NAV2: variants seen among roughly 807,000 people sequenced by gnomAD.
NAV2 encodes the protein helicase, APC down-regulated 1.
A neutral mutation model predicts 223.2 loss-of-function variants in NAV2; 54 were observed. The ratio of observed to expected loss-of-function variants is 0.24; its 90% CI spans 0.19 to 0.30. The LOEUF (loss-of-function observed/expected upper bound fraction) is 0.30, where lower values mean the gene tolerates loss of function less well. NAV2 is among the 10% of genes least tolerant of loss of function. NAV2 has a pLI of 1.00. For synonymous variants in NAV2, 1,279 were observed against 1,239.3 expected (o/e 1.03, Z -0.67); for missense variants, 2,806 against 3,147.5 (o/e 0.89, Z 2.60).
intron 1 of NAV2, among the ~76,000 whole-genome samples, chr11:19,769,005 GCAGCTTTGGA>G (rs1342447366): frequency 6.6e-6 from 1 of 152,208 alleles, no homozygotes; most frequent in Non-Finnish European, 1.5e-5. Context: ...AGGCAGCTGT[GCAGCTTTGGA>G]CAGCTCATTC....
intron 1 of NAV2, among the ~76,000 whole-genome samples, chr11:19,581,052 C>T (rs563195498): frequency 6.6e-6 from 1 of 152,250 alleles, no homozygotes; most frequent in East Asian, 1.9e-4. Context: ...ATTAATTGGC[C>T]ACATGTGTCT....
chr11:19,712,433 C>T (rs552711577), upstream of NAV2: 32 of 152,308 alleles, frequency 2.1e-4, no homozygotes, highest in Admixed American at 1.8e-3. Flanking sequence ...CTGCCCAAGC[C>T]AGATGGGGGC....
intron 10 of NAV2, among the ~76,000 whole-genome samples, chr11:19,952,747 T>C (rs991524146): frequency 3.9e-5 from 6 of 152,220 alleles, no homozygotes; most frequent in Non-Finnish European, 8.8e-5. Context: ...TACTGGTGTG[T>C]GCATGTGCAC....
chr11:19,953,267 G>A (rs2047546093), intron 10 of NAV2, among the ~76,000 whole-genome samples: 1 of 152,098 alleles, frequency 6.6e-6, no homozygotes, highest in Admixed American at 6.5e-5. Context: ...AACCTTTGAT[G>A]GCTTCCCATT....
In NAV2 at chr11:19,687,780, CATGCGT is replaced by C. The variant is rs1246697405; in HGVS notation, c.76-144703_76-144698del. 4.3e-3 allele frequency among the ~76,000 whole-genome samples: 24 copies of C among 5,646 alleles called. No homozygotes were observed. In the Admixed American group the frequency reaches 0.076, roughly 18 times the overall value. 3.7% of individuals were successfully genotyped at this position (5,646 alleles called of 152,430 possible). A position where few individuals can be genotyped will look rare whatever the true frequency, so the allele number is the denominator to read the frequency against. On this transcript the variant is annotated intron_variant, in intron 1 of 37. Transcript: ENST00000360655. ...CTGTGTACATGTGCATGTGTGTATG[CATGCGT>C]GTGTGTGTGTGTGTGTGAACTTTGT... is the stretch of plus-strand genomic sequence containing the variant.
At chr11:19,651,376 C>G in intron 1 of NAV2, among the ~76,000 whole-genome samples, 1 of 152,228 alleles carries the variant, frequency 6.6e-6, no homozygotes, top group East Asian at 1.9e-4. Flanking sequence ...GTACACTTCC[C>G]TTGGGACAGA....
At chr11:19,994,342 T>G (rs938565739) in intron 11 of NAV2, among the ~76,000 whole-genome samples, 2 of 151,796 alleles carry the variant, frequency 1.3e-5, no homozygotes, top group African/African-American at 4.8e-5. Flanking sequence ...AGGTCAGGAG[T>G]TCGAGGCTAG....
intron 15 of NAV2, chr11:20,049,439 A>G (rs572184652): frequency 9.0e-4 from 490 of 541,862 alleles, no homozygotes; most frequent in Non-Finnish European, 1.4e-3. Flanking sequence ...GGGCAGATTT[A>G]TGCTACCATT....
chr11:19,350,180 C>T (rs1270822924), upstream of NAV2, among the ~76,000 whole-genome samples: 3 of 151,914 alleles, frequency 2.0e-5, no homozygotes, highest in Non-Finnish European at 2.9e-5. Context: ...ATTTCCAGAA[C>T]GTGAGAAGTG....
intron 1 of NAV2, among the ~76,000 whole-genome samples, chr11:19,822,213 C>G (rs988964990): frequency 3.3e-5 from 5 of 152,316 alleles, no homozygotes; most frequent in Admixed American, 2.6e-4. Context: ...ATCCATTTTA[C>G]AGATGAGGCA....
rs1294542228 is a variant in NAV2 at position 20,022,505 on chromosome 11, T to TAC, written c.2769-13452_2769-13451dup. On this transcript the variant is annotated intron_variant, in intron 11 of 37. Transcript: ENST00000349880. ...AATGTATGTGTGTCGTTGTTAACTG[T>TAC]ACAAACAGGTATCATTTCCTTTTTA... The TAC allele has an allele frequency of 4.1e-6, 4 of 979,236 alleles. No individual in the cohort carries two copies. In the African/African-American group the frequency reaches 7.0e-5, roughly 17 times the overall value. The allele number at this position is 979,236 out of a possible 1,614,324, so 60.7% of individuals were successfully genotyped here. A position where few individuals can be genotyped will look rare whatever the true frequency, so the allele number is the denominator to read the frequency against.
chr11:19,952,568 G>A (rs2047487823), intron 10 of NAV2, among the ~76,000 whole-genome samples: 1 of 152,220 alleles, frequency 6.6e-6, no homozygotes, highest in Admixed American at 6.5e-5. Context: ...AATCTGTACA[G>A]AGGCTCTTTG....
At chr11:19,836,483 G>A (rs944056279) in intron 2 of NAV2, among the ~76,000 whole-genome samples, 1 of 151,588 alleles carries the variant, frequency 6.6e-6, no homozygotes, top group African/African-American at 2.4e-5. Flanking sequence ...CGTGAACCCG[G>A]GAAGCGGAGC....
intron 34 of NAV2, chr11:20,104,934 C>T (rs1324461213): frequency 6.6e-6 from 1 of 152,590 alleles, no homozygotes; most frequent in Non-Finnish European, 1.5e-5. Context: ...CATCACCCCA[C>T]TCCTGACCCC....
At chr11:19,387,618 G>C (rs1849092889) in intron 1 of NAV2, among the ~76,000 whole-genome samples, 2 of 152,168 alleles carry the variant, frequency 1.3e-5, no homozygotes, top group Admixed American at 1.3e-4. Flanking sequence ...GAGGTTGCCA[G>C]GTCGCAGGCA....
intron 1 of NAV2, among the ~76,000 whole-genome samples, chr11:19,777,093 A>ACCCCCCC (rs1166485329): frequency 1.6e-5 from 2 of 126,156 alleles, no homozygotes; most frequent in Non-Finnish European, 3.5e-5. Flanking sequence ...CCAGCCGCCG[A>ACCCCCCC]CCCCCCCCCC....
At chr11:19,555,460 G>C (rs1198493473) in intron 1 of NAV2, among the ~76,000 whole-genome samples, 1 of 152,128 alleles carries the variant, frequency 6.6e-6, no homozygotes, top group African/African-American at 2.4e-5. Flanking sequence ...GGGGGCTCTG[G>C]GCAGCTCACC....
At chr11:19,888,978 C>G (rs2041260994) in intron 5 of NAV2, among the ~76,000 whole-genome samples, 1 of 152,138 alleles carries the variant, frequency 6.6e-6, no homozygotes, top group African/African-American at 2.4e-5. Flanking sequence ...GGTCGACAAG[C>G]CCCTTGAGAT....
chr11:19,499,511 T>C lies in NAV2; in HGVS notation c.75+148484T>C, dbSNP rs113109856. 2.6e-3 allele frequency among the ~76,000 whole-genome samples: 401 copies of C among 152,220 alleles called. 1 individual carries two copies. Among genetic ancestry groups the C allele is most frequent in the African/African-American group, 8.8e-3 (367 of 41,532 alleles). On this transcript the variant is annotated intron_variant, in intron 1 of 37. Coordinates refer to the NAV2 transcript ENST00000360655. ...CCTGGCACAGGCACTTAAGTATGTG[T>C]TGAGTCAGTGAAGGAATGCCTTCCA...
Sources: gnomAD v4.1 joint callset for allele counts (sites outside exome capture counted in the v4.1 genomes callset) on GRCh38, gnomAD v4.1.1 for gene constraint, MANE v1.5 for transcripts, NCBI Gene and HGNC (gene_info 2026-07-23, HGNC 2026-07-21) for gene names.